FAM237A: variants seen among roughly 807,000 people sequenced by gnomAD.
FAM237A encodes protein FAM237A.
A neutral mutation model predicts 12.5 loss-of-function variants in FAM237A; 14 were observed. The ratio of observed to expected loss-of-function variants is 1.12; its 90% CI spans 0.74 to 1.75. The LOEUF is 1.75. Ranked by LOEUF, FAM237A falls within the 40% of genes most tolerant of loss-of-function variation. The pLI is 0.00. For synonymous variants in FAM237A, 85 were observed against 77.5 expected (o/e 1.10, Z -0.51); for missense variants, 240 against 211.7 (o/e 1.13, Z -0.83).
chr2:206,648,626 G>C (rs1241887234), intron 2 of FAM237A, 35 bp from the exon 3 acceptor site: 1 of 1,556,148 alleles, frequency 6.4e-7, no homozygotes, highest in Non-Finnish European at 8.7e-7. Flanking sequence ...AAACTAATTT[G>C]GTGATCTTAT....
chr2:206,643,507 A>G (rs949692945), intron 1 of FAM237A: 4 of 152,160 alleles, frequency 2.6e-5, no homozygotes, highest in African/African-American at 9.6e-5. Flanking sequence ...GTTGAATGAG[A>G]GTCACGTTTT....
chr2:206,643,995 A>G (rs577310591), intron 1 of FAM237A, among the ~76,000 whole-genome samples: 1 of 152,298 alleles, frequency 6.6e-6, no homozygotes, highest in South Asian at 2.1e-4. Flanking sequence ...ACATCTTAGG[A>G]GGGAATATGT....
chr2:206,644,622 A>G lies in FAM237A; in HGVS notation c.386A>G (p.Gln129Arg), dbSNP rs1009517087. 11 of 1,596,830 alleles carry G rather than the reference A, an allele frequency of 6.9e-6. No homozygotes were observed. The highest frequency in any genetic ancestry group is 9.4e-6 in the Non-Finnish European group (11 of 1,172,540). The stretch of plus-strand genomic sequence containing the variant: ...GAGGAAGAGAAAATCTCAGCAGCGC[A>G]GCCACAGCACACAAGGAGTAAACAA... ...VGEEEKISAAQPQHTRSKQGT... is the reference protein window; with the variant it reads ...VGEEEKISAARPQHTRSKQGT... Residue 129 changes from glutamine to arginine, a missense_variant, in exon 2 of 3, where the codon CAG (glutamine) becomes CGG (arginine). By Grantham distance (43) the Gln-to-Arg change is conservative (BLOSUM62 1). Coordinates refer to ENST00000441223, the MANE Select transcript of FAM237A (RefSeq NM_001102659.3).
In FAM237A at chr2:206,648,609, T is replaced by C. The variant is rs150384577; in HGVS notation, c.413-52T>C. ...TAAAGATAATTTATTGATATTTAAT[T>C]AACCTGAAACTAATTTGGTGATCTT... On this transcript the variant is annotated intron_variant, in intron 2 of 2. Transcript: ENST00000441223. 7.8e-4 allele frequency: 1,192 copies of C among 1,520,508 alleles called. 4 individuals carry two copies. The African/African-American group carries it at 0.015, about 19-fold the overall frequency. 94.2% of individuals were successfully genotyped at this position (1,520,508 alleles called of 1,614,324 possible).
chr2:206,648,542 G>A, intron 2 of FAM237A, 119 bp from the exon 3 acceptor site: 2 of 992,114 alleles, frequency 2.0e-6, no homozygotes, highest in Admixed American at 6.3e-5. Context: ...AATTTATAGA[G>A]AATTTTGATA....
rs778818897 is a variant in FAM237A at position 206,644,485 on chromosome 2, G to A, written c.249G>A (p.Glu83=). 9.3e-6 allele frequency: 15 copies of A among 1,614,002 alleles called. No homozygotes were observed. Among genetic ancestry groups the A allele is most frequent in the Middle Eastern group, 3.3e-4 (2 of 6,062 alleles). ...TTATGATCTACCTGAAGTCATCTGA[G>A]AACTTGAAGCATGGAGCACTGTTTT... The part of the protein sequence containing the change: ...WDFMIYLKSS[E]NLKHGALFWD... The change falls in exon 2 of 3, where the codon GAG becomes GAA. Residue 83 remains glutamate, a synonymous_variant. Transcript: ENST00000441223.
intron 2 of FAM237A, 100 bp downstream of exon 2, chr2:206,644,748 C>CAT: frequency 8.5e-7 from 1 of 1,172,302 alleles, no homozygotes. Context: ...AATCCAGTGT[C>CAT]ATATATATTC....
Position 206,648,772 on chromosome 2 carries a change from A to G in FAM237A, c.524A>G (p.Asn175Ser). ...RSGSSVIGKV[N>S]LEIKRK The stretch of plus-strand genomic sequence containing the variant: ...GGGTCTAGTGTCATTGGAAAAGTGA[A>G]CCTGGAAATAAAGAGAAAATAAATT... Residue 175 changes from asparagine to serine, a missense_variant, in exon 3 of 3, where the codon AAC becomes AGC. Coordinates refer to ENST00000441223, the MANE Select transcript of FAM237A (RefSeq NM_001102659.3). 10 of 1,538,806 alleles carry G rather than the reference A, an allele frequency of 6.5e-6. No individual in the cohort carries two copies. Among genetic ancestry groups the G allele is most frequent in the Non-Finnish European group, 8.8e-6 (10 of 1,141,322 alleles).
chr2:206,644,920 A>G (rs915142384), intron 2 of FAM237A, among the ~76,000 whole-genome samples: 4 of 152,230 alleles, frequency 2.6e-5, no homozygotes, highest in African/African-American at 9.6e-5. Flanking sequence ...AAAAAGCATG[A>G]TTCCCAAAAT....
intron 2 of FAM237A, among the ~76,000 whole-genome samples, chr2:206,647,286 A>C (rs1699328515): frequency 6.6e-6 from 1 of 152,338 alleles, no homozygotes; most frequent in East Asian, 1.9e-4. Context: ...TCTATAAAAA[A>C]AAGAAACGTA....
intron 2 of FAM237A, among the ~76,000 whole-genome samples, chr2:206,647,717 A>G (rs1301819756): frequency 6.6e-6 from 1 of 151,544 alleles, no homozygotes; most frequent in African/African-American, 2.4e-5. Flanking sequence ...CCAAATAGAA[A>G]ATAACAGAAT....
chr2:206,644,865 A>T (rs142944651), intron 2 of FAM237A, among the ~76,000 whole-genome samples: 1 of 152,224 alleles, frequency 6.6e-6, no homozygotes, highest in African/African-American at 2.4e-5. Context: ...CCTCATCCTC[A>T]TACTTCCTGT....
intron 2 of FAM237A, among the ~76,000 whole-genome samples, chr2:206,647,810 G>T (rs1406677299): frequency 1.3e-5 from 2 of 152,132 alleles, no homozygotes; most frequent in Admixed American, 1.3e-4. Context: ...CAAAAATGGT[G>T]GCCTCCTCCT....
chr2:206,648,932 T>C lies in FAM237A; in HGVS notation c.*138T>C, dbSNP rs1699352515. ...ATGAACCCAAATTCTCTCAGTATAC[T>C]AATTTAAAGCTGCCTTCTATTATTT... On this transcript the variant is annotated 3_prime_UTR_variant, in exon 3 of 3. Coordinates refer to ENST00000441223, the MANE Select transcript of FAM237A (RefSeq NM_001102659.3). The C allele has an allele frequency of 3.5e-6, 2 of 564,434 alleles. No individual in the cohort carries two copies. The highest frequency in any genetic ancestry group is 4.3e-5 in the Admixed American group (1 of 23,336). The allele number at this position is 564,434 out of a possible 1,614,324, so 35.0% of individuals were successfully genotyped here. A position where few individuals can be genotyped will look rare whatever the true frequency, so the allele number is the denominator to read the frequency against.
At position 206,642,973 on chromosome 2, in the gene FAM237A, G is replaced by C. The variant is rs545188305; in HGVS notation, c.-11+391G>C. Among the ~76,000 whole-genome samples the C allele has an allele frequency of 3.5e-3, 533 of 152,284 alleles. No individual in the cohort carries two copies. Among genetic ancestry groups the C allele is most frequent in the Middle Eastern group, 0.01 (3 of 294 alleles). On this transcript the variant is annotated intron_variant, in intron 1 of 2. Transcript: ENST00000441223. This position sits in a 1 kb window ranked among gnomAD's most constrained non-coding sequence, Gnocchi z 5.1. ...AAATATGATTTCAAGTAGAGATAAT[G>C]CATACATGATATGAAAGATAGAGGA... is the stretch of plus-strand genomic sequence containing the variant.
chr2:206,645,107 T>C (rs1165815911), intron 2 of FAM237A, among the ~76,000 whole-genome samples: 2 of 152,212 alleles, frequency 1.3e-5, no homozygotes, highest in Non-Finnish European at 2.9e-5. Flanking sequence ...AAAATAAATA[T>C]TGCTTTCATG....
rs376047346 is a variant in FAM237A, at chr2:206,644,270, C to G, written c.34C>G (p.Arg12Gly). ...TCCTGGGAACAGAGGAGGGATCCAC[C>G]GCCCCTTGAGCTTCACCTGCTCCCT... is the stretch of plus-strand genomic sequence containing the variant. ...ADPGNRGGIH[R>G]PLSFTCSLLI... Residue 12 changes from arginine (R) to glycine (G), a missense_variant, in exon 2 of 3, where the codon CGC becomes GGC. Arg to Gly is a moderately radical substitution (Grantham distance 125). Coordinates refer to ENST00000441223, the MANE Select transcript of FAM237A (RefSeq NM_001102659.3). 1.2e-6 allele frequency: 2 copies of G among 1,608,962 alleles called. No individual in the cohort carries two copies. The highest frequency in any genetic ancestry group is 2.2e-5 in the East Asian group (1 of 44,864).
chr2:206,647,102 TATC>T (rs1197507070), intron 2 of FAM237A, among the ~76,000 whole-genome samples: 3 of 152,224 alleles, frequency 2.0e-5, no homozygotes, highest in East Asian at 3.8e-4. Flanking sequence ...CATGTTAATA[TATC>T]ATATTTGTTA....
intron 2 of FAM237A, among the ~76,000 whole-genome samples, chr2:206,646,078 G>A (rs1023561474): frequency 2.0e-5 from 3 of 152,036 alleles, no homozygotes; most frequent in East Asian, 1.9e-4. Flanking sequence ...CAAGGCAGGC[G>A]GAACACGAGG....
Sources: gnomAD v4.1 joint callset for allele counts (sites outside exome capture counted in the v4.1 genomes callset) on GRCh38, gnomAD v4.1.1 for gene constraint, Gnocchi (gnomAD v3.1) non-coding constraint, MANE v1.5 for transcripts, NCBI Gene and HGNC (gene_info 2026-07-23, HGNC 2026-07-21) for gene names.